The following CEP112 variants were observed in gnomAD, a reference collection of about 807,000 sequenced individuals.
The protein encoded by CEP112 is centrosomal protein of 112 kDa.
Under a neutral mutation model 153.0 loss-of-function variants are expected in CEP112, and 127 were observed. The ratio of observed to expected loss-of-function variants is 0.83; its 90% CI spans 0.72 to 0.96. CEP112 has a LOEUF of 0.96. CEP112 is among the 40% of genes least tolerant of loss of function. The pLI is 0.00. For synonymous variants in CEP112, 358 were observed against 374.4 expected (o/e 0.96, Z 0.51); for missense variants, 1,089 against 1,101.2 (o/e 0.99, Z 0.16).
intron 25 of CEP112, among the ~76,000 whole-genome samples, chr17:65,639,836 CTTTTTTTT>C (rs554226605): frequency 4.5e-5 from 5 of 110,966 alleles, no homozygotes; most frequent in South Asian, 6.0e-4. Context: ...CTCTTTCTTT[CTTTTTTTT>C]TTTTTTTTTT....
At chr17:66,181,064 C>A (rs1393531245) in intron 2 of CEP112, among the ~76,000 whole-genome samples, 1 of 152,142 alleles carries the variant, frequency 6.6e-6, no homozygotes, top group East Asian at 1.9e-4. Context: ...ATACTTTCCA[C>A]ATCCCATAGC....
Position 66,073,304 on chromosome 17 carries a change from A to G in CEP112, c.769-3303T>C, listed in dbSNP as rs543127096. 2.6e-5 allele frequency among the ~76,000 whole-genome samples: 4 copies of G among 152,332 alleles called. No homozygotes were observed. In the East Asian group the frequency reaches 5.8e-4, roughly 22 times the overall value. ...GATAGTCCCAACTTTCCGCCTGGGT[A>G]CAACAACTGGAGTCCATGTGGAGCA... On this transcript the variant is annotated intron_variant, in intron 8 of 26. Coordinates refer to ENST00000535342, the MANE Select transcript of CEP112 (RefSeq NM_001199165.4).
chr17:65,991,513 T>G (rs1317107921), intron 17 of CEP112, among the ~76,000 whole-genome samples: 1 of 151,994 alleles, frequency 6.6e-6, no homozygotes, highest in Non-Finnish European at 1.5e-5. Context: ...TCTTCTTTAT[T>G]AAGTATCATA....
At chr17:66,005,278 C>A (rs927978036) in intron 17 of CEP112, among the ~76,000 whole-genome samples, 4 of 152,140 alleles carry the variant, frequency 2.6e-5, no homozygotes, top group African/African-American at 9.7e-5. Flanking sequence ...AAGACAAACT[C>A]TTTCCTAAAT....
intron 4 of CEP112, among the ~76,000 whole-genome samples, chr17:66,155,223 G>A (rs942182361): frequency 1.3e-5 from 2 of 152,172 alleles, no homozygotes; most frequent in African/African-American, 4.8e-5. Flanking sequence ...TTAGACAGTG[G>A]GTGCAGCCCA....
intron 20 of CEP112, among the ~76,000 whole-genome samples, chr17:65,865,271 A>AG (rs915180827): frequency 6.6e-6 from 1 of 152,056 alleles, no homozygotes; most frequent in Non-Finnish European, 1.5e-5. Context: ...GGAACTCCTG[A>AG]GCTCAAGTGA....
rs114892460 is a variant in CEP112 at position 65,815,285 on chromosome 17, C to T, written c.2394+36519G>A. Among the ~76,000 whole-genome samples the T allele has an allele frequency of 5.2e-3, 791 of 152,164 alleles. 3 individuals carry two copies. Among genetic ancestry groups the T allele is most frequent in the African/African-American group, 0.018 (748 of 41,534 alleles). The stretch of plus-strand genomic sequence containing the variant: ...AACTATTTGTGGAAAGACTATCCTT[C>T]CCCCATTCATTATCTTAGCACATTT... On this transcript the variant is annotated intron_variant, in intron 21 of 26. Coordinates refer to ENST00000535342, the MANE Select transcript of CEP112 (RefSeq NM_001199165.4).
At chr17:65,804,806 A>G (rs932236185) in intron 21 of CEP112, among the ~76,000 whole-genome samples, 4 of 152,122 alleles carry the variant, frequency 2.6e-5, no homozygotes, top group Admixed American at 1.3e-4. Flanking sequence ...AATATTAAAT[A>G]TCACCATGTT....
In CEP112 at chr17:65,708,173, C is replaced by T. The variant is rs143269125; in HGVS notation, c.2608-18955G>A. ...CACTTTTTTTTTTTGTATTACATGA[C>T]CAGTCTTCTTGAAATAAGTGTGGTC... On this transcript the variant is annotated intron_variant, in intron 23 of 26. Coordinates refer to ENST00000535342, the MANE Select transcript of CEP112 (RefSeq NM_001199165.4). Among the ~76,000 whole-genome samples, 18 of 151,814 alleles carry T rather than the reference C, an allele frequency of 1.2e-4. No homozygotes were observed. The East Asian group carries it at 3.3e-3, about 28-fold the overall frequency.
chr17:65,970,369 T>TGCACACATCATGCATGTAAATTACAG (rs1568313517), intron 17 of CEP112, among the ~76,000 whole-genome samples: 1 of 71,724 alleles, frequency 1.4e-5, no homozygotes, highest in Non-Finnish European at 3.4e-5. Context: ...CTATATTACA[T>TGCACACATCATGCATGTAAATTACAG]GCACACATCA....
chr17:65,993,562 T>C (rs192083128), intron 17 of CEP112, among the ~76,000 whole-genome samples: 1 of 152,292 alleles, frequency 6.6e-6, no homozygotes, highest in African/African-American at 2.4e-5. Context: ...TGCAGCACTA[T>C]TAATAATATC....
chr17:65,771,055 A>C (rs1201939360), intron 21 of CEP112, among the ~76,000 whole-genome samples: 29 of 152,042 alleles, frequency 1.9e-4, no homozygotes. Context: ...AAATATAAGT[A>C]GCCTAAAAAT....
chr17:66,175,282 A>C (rs1038698306), intron 3 of CEP112, 66 bp from the exon 4 acceptor site: 6 of 1,192,486 alleles, frequency 5.0e-6, no homozygotes, highest in Non-Finnish European at 6.6e-6. Context: ...TAAAATTTCC[A>C]TCAAGTTTCA....
chr17:65,781,138 T>C (rs2053973717), intron 21 of CEP112, among the ~76,000 whole-genome samples: 1 of 152,130 alleles, frequency 6.6e-6, no homozygotes, highest in Non-Finnish European at 1.5e-5. Context: ...GATTTAAGCA[T>C]TAGCTGTTTC....
intron 17 of CEP112, among the ~76,000 whole-genome samples, chr17:65,981,570 G>C (rs1035241658): frequency 4.7e-5 from 5 of 105,818 alleles, no homozygotes; most frequent in African/African-American, 2.0e-4. Context: ...CGTGGTTTTT[G>C]ATTTTTTTGT....
Position 66,142,961 on chromosome 17 carries a change from T to G in CEP112, c.471-10198A>C, listed in dbSNP as rs187766118. Among the ~76,000 whole-genome samples, 14 of 152,344 alleles carry G rather than the reference T, an allele frequency of 9.2e-5. No homozygotes were observed. The East Asian group carries it at 2.7e-3, about 29-fold the overall frequency. On this transcript the variant is annotated intron_variant, in intron 4 of 26. Transcript: ENST00000535342. ...ATGGACATTTTAACAATATTAATTC[T>G]TCCAATCCATGAGCACAGGATATCT...
chr17:66,056,527 C>A (rs1476250326), intron 11 of CEP112, among the ~76,000 whole-genome samples: 1 of 152,200 alleles, frequency 6.6e-6, no homozygotes, highest in East Asian at 1.9e-4. Context: ...TGTGGTCTAT[C>A]CATACAACGC....
intron 23 of CEP112, among the ~76,000 whole-genome samples, chr17:65,727,487 G>A (rs1009202486): frequency 2.0e-5 from 3 of 152,122 alleles, no homozygotes; most frequent in African/African-American, 2.4e-5. Context: ...TAAATCAATC[G>A]CAAGTTGAGA....
chr17:65,862,494 A>C (rs539027458), intron 20 of CEP112, among the ~76,000 whole-genome samples: 42 of 152,314 alleles, frequency 2.8e-4, no homozygotes, highest in Non-Finnish European at 5.3e-4. Context: ...AGGCTGAGGC[A>C]GGAGAATGGT....
Sources: allele counts gnomAD v4.1 joint callset (sites outside exome capture counted in the v4.1 genomes callset), GRCh38; gene constraint gnomAD v4.1.1; transcripts MANE v1.5; gene names NCBI Gene and HGNC (gene_info 2026-07-23, HGNC 2026-07-21).